Variants in PCDHA1 observed in about 807,000 individuals in gnomAD.
The protein encoded by PCDHA1 is protocadherin alpha 1, also known as protocadherin alpha-1.
A neutral mutation model predicts 61.3 loss-of-function variants in PCDHA1; 42 were observed. That is an observed-to-expected ratio of 0.69 (90% CI 0.54 to 0.89). PCDHA1 has a LOEUF of 0.89. PCDHA1 is among the 40% of genes least tolerant of loss of function. The pLI, the probability that PCDHA1 is intolerant of heterozygous loss-of-function variation, is 0.00. For missense variants in PCDHA1, 1,256 were observed against 1,235.3 expected (o/e 1.02, Z -0.25); for synonymous variants, 610 against 553.8 (o/e 1.10, Z -1.43).
chr5:140,870,836 A>G (rs375475405), intron 1 of PCDHA1: 3 of 1,613,796 alleles, frequency 1.9e-6, no homozygotes, highest in Non-Finnish European at 2.5e-6. Flanking sequence ...GCAGTTAACA[A>G]GCTAGTACCG....
chr5:140,974,782 C>T (rs1211935245), intron 1 of PCDHA1, among the ~76,000 whole-genome samples: 11 of 152,150 alleles, frequency 7.2e-5, no homozygotes, highest in African/African-American at 2.7e-4. Context: ...GCCACTGCGC[C>T]CAGCCCTCAT....
At chr5:140,988,805 C>T (rs782160959) in intron 3 of PCDHA1, 8 of 152,232 alleles carry the variant, frequency 5.3e-5, no homozygotes, top group African/African-American at 1.4e-4. Context: ...GAATTTCTTC[C>T]GTAACAGTAG....
intron 3 of PCDHA1, 111 bp downstream of exon 3, chr5:140,982,674 A>G (rs1399250735): frequency 3.4e-6 from 5 of 1,450,700 alleles, no homozygotes; most frequent in Admixed American, 2.7e-5. Context: ...TATTTTTGTT[A>G]TTCCCTTTTT....
At chr5:140,917,334 G>GGGGGGGGGGGGGGT in intron 1 of PCDHA1, among the ~76,000 whole-genome samples, 1 of 147,630 alleles carries the variant, frequency 6.8e-6, no homozygotes, top group Non-Finnish European at 1.5e-5. Flanking sequence ...CGGGGGAGGG[G>GGGGGGGGGGGGGGT]GGGGATGGTG....
In PCDHA1 at chr5:140,987,225, A is replaced by T. The variant is rs182444933; in HGVS notation, c.2542+4662A>T. On this transcript the variant is annotated intron_variant, in intron 3 of 3. Transcript: ENST00000504120. Reference sequence around the variant, plus strand: ...TGAGACTCCATCTCAAAAAAAAAAAAAATAATAAATAAAGAAAGAAAGACA... The same window carrying T: ...TGAGACTCCATCTCAAAAAAAAAAATAATAATAAATAAAGAAAGAAAGACA... 6.5e-3 allele frequency among the ~76,000 whole-genome samples: 935 copies of T among 143,134 alleles called. 9 individuals carry two copies. Among genetic ancestry groups the T allele is most frequent in the African/African-American group, 0.025 (815 of 32,962 alleles). The allele number at this position is 143,134 out of a possible 152,430, so 93.9% of individuals were successfully genotyped here. A position where few individuals can be genotyped will look rare whatever the true frequency, so the allele number is the denominator to read the frequency against.
chr5:140,814,172 T>A (rs2126652493), intron 1 of PCDHA1: 1,547 of 152,634 alleles, frequency 0.01, 13 homozygotes, highest in Admixed American at 0.013. Context: ...TTTTACAAGT[T>A]TTTTTGACTT....
chr5:140,827,336 A>G lies in PCDHA1; in HGVS notation c.2394+38652A>G, dbSNP rs2150147176. On this transcript the variant is annotated intron_variant, in intron 1 of 3. Coordinates refer to ENST00000504120, the MANE Select transcript of PCDHA1 (RefSeq NM_018900.4). ...AATTCCACTAGAATTTGAAGTGGTG[A>G]AGTATATGAAAAGAAAATATTTTAA... Among the ~76,000 whole-genome samples the G allele has an allele frequency of 1.1e-4, 16 of 152,330 alleles. No homozygotes were observed. The South Asian group carries it at 2.3e-3, about 22-fold the overall frequency.
chr5:140,869,485 G>T (rs782005031), intron 1 of PCDHA1: 8 of 1,614,158 alleles, frequency 5.0e-6, no homozygotes, highest in Non-Finnish European at 6.8e-6. Flanking sequence ...GGACATTAAC[G>T]ACAACCCGCC....
At chr5:140,843,219 C>T (rs1554139873) in intron 1 of PCDHA1, 1 of 1,596,090 alleles carries the variant, frequency 6.3e-7, no homozygotes, top group East Asian at 2.2e-5. Context: ...GAGATCAGCA[C>T]CACTCGTGTC....
chr5:140,887,711 T>C (rs1486449046), intron 1 of PCDHA1, among the ~76,000 whole-genome samples: 1 of 152,198 alleles, frequency 6.6e-6, no homozygotes, highest in African/African-American at 2.4e-5. Context: ...ATACTTCTTC[T>C]AATAGTTTTT....
Position 140,858,255 on chromosome 5 carries a change from C to T in PCDHA1, c.2394+69571C>T, listed in dbSNP as rs782505724. On this transcript the variant is annotated intron_variant, in intron 1 of 3. Coordinates refer to ENST00000504120, the MANE Select transcript of PCDHA1 (RefSeq NM_018900.4). ...GGCGCATGTGGGCCGGTGAAGCCCA[C>T]GCTGGTGTGCTCTAGCGCGGTGGGG... The T allele has an allele frequency of 1.9e-6, 3 of 1,596,960 alleles. No individual in the cohort carries two copies. In the South Asian group the frequency reaches 3.3e-5, roughly 18 times the overall value.
intron 1 of PCDHA1, chr5:140,966,850 C>A: frequency 6.4e-7 from 1 of 1,572,900 alleles, no homozygotes; most frequent in Non-Finnish European, 8.6e-7. Flanking sequence ...TACTGCCTCT[C>A]CTGCTGCTGT....
intron 1 of PCDHA1, chr5:140,881,278 T>G: frequency 5.4e-6 from 4 of 743,002 alleles, no homozygotes; most frequent in Non-Finnish European, 6.6e-6. Flanking sequence ...TGAAGTAAGA[T>G]GGAGAGAGAA....
intron 1 of PCDHA1, among the ~76,000 whole-genome samples, chr5:140,917,333 G>GC (rs1401985588): frequency 2.7e-5 from 4 of 148,632 alleles, no homozygotes; most frequent in African/African-American, 7.4e-5. Flanking sequence ...GCGGGGGAGG[G>GC]GGGGGATGGT....
At chr5:140,885,985 G>A (rs879977606) in intron 1 of PCDHA1, among the ~76,000 whole-genome samples, 3 of 152,110 alleles carry the variant, frequency 2.0e-5, no homozygotes, top group Admixed American at 2.0e-4. Context: ...AGATTCGCAT[G>A]TGGTTGAAAG....
At position 140,925,289 on chromosome 5, in the gene PCDHA1, G is replaced by T. The variant is rs190990360; in HGVS notation, c.2395-53660G>T. Among the ~76,000 whole-genome samples, 1,224 of 152,222 alleles carry T rather than the reference G, an allele frequency of 8.0e-3. 6 individuals carry two copies. The highest frequency in any genetic ancestry group is 0.019 in the African/African-American group (790 of 41,540). On this transcript the variant is annotated intron_variant, in intron 1 of 3. Coordinates refer to ENST00000504120, the MANE Select transcript of PCDHA1 (RefSeq NM_018900.4). The stretch of plus-strand genomic sequence containing the variant: ...TGTGTTCAGATTTTGCCTTTCAAAT[G>T]TTTCATTATTGGGGCTTTGGACATA...
At chr5:140,881,993 A>C in intron 1 of PCDHA1, 1 of 454,088 alleles carries the variant, frequency 2.2e-6, no homozygotes, top group Non-Finnish European at 3.7e-6. Flanking sequence ...AATGTCAGGA[A>C]ATGCAAGGGG....
At chr5:140,907,995 C>T (rs1441720086) in intron 1 of PCDHA1, among the ~76,000 whole-genome samples, 9 of 152,166 alleles carry the variant, frequency 5.9e-5, no homozygotes, top group African/African-American at 1.9e-4. Flanking sequence ...AGTCCTTAAC[C>T]ATCCAGCCAA....
At chr5:140,955,716 A>G (rs2095221843) in intron 1 of PCDHA1, among the ~76,000 whole-genome samples, 1 of 152,220 alleles carries the variant, frequency 6.6e-6, no homozygotes, top group African/African-American at 2.4e-5. Flanking sequence ...TAATAGGAAT[A>G]CCATTGAATC....
Sources: gnomAD v4.1 joint callset for allele counts (sites outside exome capture counted in the v4.1 genomes callset) on GRCh38, gnomAD v4.1.1 for gene constraint, MANE v1.5 for transcripts, NCBI Gene and HGNC (gene_info 2026-07-23, HGNC 2026-07-21) for gene names.